AMPH: variants seen among roughly 807,000 people sequenced by gnomAD.
The protein encoded by AMPH is amphiphysin, also known as amphiphysin (Stiff-Mann syndrome with breast cancer 128kD autoantigen).
In AMPH, 49 loss-of-function variants were observed where a neutral mutation model predicts 99.1. That is an observed-to-expected ratio of 0.49 (90% CI 0.39 to 0.63). The LOEUF is 0.63. Ranked by LOEUF, AMPH falls within the 20% of genes least tolerant of loss-of-function variation. The pLI is 0.00. For synonymous variants in AMPH, 314 were observed against 317.3 expected, an observed-to-expected ratio of 0.99 and a Z score of 0.11; for missense variants, 759 against 863.4, an observed-to-expected ratio of 0.88 and a Z score of 1.52.
At chr7:38,466,386 C>G (rs1787654315) in intron 7 of AMPH, 138 bp from the exon 8 acceptor site, 1 of 694,520 alleles carries the variant, frequency 1.4e-6, no homozygotes, top group Non-Finnish European at 2.4e-6. Context: ...AAATAAAATA[C>G]TGAACCCAAA....
chr7:38,580,307 A>G (rs1175525843), intron 1 of AMPH, among the ~76,000 whole-genome samples: 1 of 152,210 alleles, frequency 6.6e-6, no homozygotes, highest in Non-Finnish European at 1.5e-5. Flanking sequence ...AATTCCATTA[A>G]GCATGTAAAA....
chr7:38,573,302 A>G (rs1357439313), intron 1 of AMPH, among the ~76,000 whole-genome samples: 1 of 151,944 alleles, frequency 6.6e-6, no homozygotes. Flanking sequence ...AATTTTTGCT[A>G]TTTTGTACCT....
intron 11 of AMPH, among the ~76,000 whole-genome samples, chr7:38,455,103 G>A (rs1166020286): frequency 6.6e-6 from 1 of 150,670 alleles, no homozygotes; most frequent in Non-Finnish European, 1.5e-5. Context: ...TCCTGAGATG[G>A]AGTTTTGCTC....
chr7:38,516,611 T>C (rs916813970), intron 2 of AMPH, among the ~76,000 whole-genome samples: 3 of 152,190 alleles, frequency 2.0e-5, no homozygotes, highest in Non-Finnish European at 4.4e-5. Context: ...AAATATGGGA[T>C]TGGACTCCTT....
At chr7:38,465,048 A>G (rs1787597808) in intron 9 of AMPH, among the ~76,000 whole-genome samples, 1 of 152,246 alleles carries the variant, frequency 6.6e-6, no homozygotes, top group Admixed American at 6.5e-5. Flanking sequence ...TCCTTTCCCA[A>G]AATGGATTCA....
intron 2 of AMPH, among the ~76,000 whole-genome samples, chr7:38,528,726 AT>A (rs1311262501): frequency 1.3e-5 from 2 of 150,004 alleles, no homozygotes; most frequent in Non-Finnish European, 3.0e-5. Context: ...AGTTTCATTG[AT>A]TTCTGTTCTT....
At position 38,465,487 on chromosome 7, in the gene AMPH, GA is replaced by G; in HGVS notation, c.728del (p.Phe243SerfsTer39). 6.3e-7 allele frequency: 1 copy of G among 1,581,436 alleles called. No individual in the cohort carries two copies. Among genetic ancestry groups the G allele is most frequent in the Non-Finnish European group, 8.6e-7 (1 of 1,161,700 alleles). ...CCTACCTGGGCGCTCCTTGGATGGTGAAGGCCTTGTCGGCGTGCTGGTCACC... is the reference window on the plus strand; with the variant it reads ...CCTACCTGGGCGCTCCTTGGATGGTGAGGCCTTGTCGGCGTGCTGGTCACC... ...KLGDQHADKA[F>X]TIQGAPSDSG... On this transcript the variant is annotated frameshift_variant, in exon 9 of 21. Coordinates refer to ENST00000356264, the MANE Select transcript of AMPH (RefSeq NM_001635.4). LOFTEE classifies it high-confidence loss of function.
intron 1 of AMPH, among the ~76,000 whole-genome samples, chr7:38,624,252 A>C (rs1015647702): frequency 7.9e-5 from 12 of 152,160 alleles, no homozygotes; most frequent in African/African-American, 2.9e-4. Context: ...TGGAAGATGT[A>C]ATGCATGAAA....
chr7:38,489,968 A>C (rs1274482005), intron 5 of AMPH, among the ~76,000 whole-genome samples: 1 of 152,170 alleles, frequency 6.6e-6, no homozygotes, highest in East Asian at 1.9e-4. Flanking sequence ...AATAAAGTAC[A>C]AAATATAAAT....
rs554551381 is a variant in AMPH at position 38,564,993 on chromosome 7, G to A, written c.70-29982C>T. The stretch of plus-strand genomic sequence containing the variant: ...CAAAAAATTAGCCGGGCGTGGTGGC[G>A]GGTGCCTGTAGTCCCAGCTACTCGG... On this transcript the variant is annotated intron_variant, in intron 1 of 20. Coordinates refer to ENST00000356264, the MANE Select transcript of AMPH (RefSeq NM_001635.4). Among the ~76,000 whole-genome samples the A allele has an allele frequency of 3.5e-4, 53 of 151,854 alleles. 1 individual carries two copies. The highest frequency in any genetic ancestry group is 2.5e-3 in the Admixed American group (38 of 15,264).
chr7:38,622,649 ATAGATAATTC>A (rs1285225885), intron 1 of AMPH, among the ~76,000 whole-genome samples: 22 of 152,308 alleles, frequency 1.4e-4, no homozygotes, highest in Admixed American at 1.3e-4. Flanking sequence ...GTGGAATGAA[ATAGATAATTC>A]TAGGCACAAT....
intron 2 of AMPH, among the ~76,000 whole-genome samples, chr7:38,529,333 A>T (rs1332058740): frequency 6.6e-6 from 1 of 152,210 alleles, no homozygotes; most frequent in African/African-American, 2.4e-5. Context: ...ACTTGTAAAA[A>T]CTTGCATGAG....
chr7:38,538,751 G>T lies in AMPH; in HGVS notation c.70-3740C>A, dbSNP rs1790702971. On this transcript the variant is annotated intron_variant, in intron 1 of 20. Coordinates refer to ENST00000356264, the MANE Select transcript of AMPH (RefSeq NM_001635.4). ...CACAGTACATAATGGCTTATGGGAT[G>T]AAAAAGATGAAGGACAGAACAGAGT... Among the ~76,000 whole-genome samples the T allele has an allele frequency of 3.9e-5, 6 of 152,308 alleles. No homozygotes were observed. The South Asian group carries it at 1.2e-3, about 32-fold the overall frequency.
chr7:38,617,428 C>T (rs150213762), intron 1 of AMPH, among the ~76,000 whole-genome samples: 109 of 152,300 alleles, frequency 7.2e-4, no homozygotes, highest in African/African-American at 2.4e-3. Context: ...AATAACAGAT[C>T]AAAATAATTA....
At chr7:38,541,814 G>C (rs921069799) in intron 1 of AMPH, among the ~76,000 whole-genome samples, 8 of 152,138 alleles carry the variant, frequency 5.3e-5, no homozygotes, top group Non-Finnish European at 7.3e-5. Flanking sequence ...TAGAAAACTA[G>C]GGAGAAAGGA....
At chr7:38,451,052 C>T (rs921553484) in intron 11 of AMPH, among the ~76,000 whole-genome samples, 5 of 149,312 alleles carry the variant, frequency 3.3e-5, no homozygotes, top group African/African-American at 7.5e-5. Flanking sequence ...ACTGCCATGC[C>T]CAGCTATTTT....
chr7:38,564,066 T>A (rs1436676703), intron 1 of AMPH, among the ~76,000 whole-genome samples: 1 of 152,244 alleles, frequency 6.6e-6, no homozygotes, highest in Non-Finnish European at 1.5e-5. Flanking sequence ...TCTTTAGGGT[T>A]ATTCTCCTTA....
intron 1 of AMPH, among the ~76,000 whole-genome samples, chr7:38,543,611 CTA>C (rs1271936902): frequency 6.6e-6 from 1 of 152,136 alleles, no homozygotes; most frequent in African/African-American, 2.4e-5. Context: ...AGTTAGGTTA[CTA>C]TGATTGTGTT....
intron 17 of AMPH, among the ~76,000 whole-genome samples, chr7:38,402,504 C>G (rs1043318858): frequency 6.6e-6 from 1 of 152,182 alleles, no homozygotes; most frequent in Admixed American, 6.5e-5. Flanking sequence ...TTCCATTTTA[C>G]TCGCTATCTG....
Sources: allele counts gnomAD v4.1 joint callset (sites outside exome capture counted in the v4.1 genomes callset), GRCh38; gene constraint gnomAD v4.1.1; transcripts MANE v1.5; gene names NCBI Gene and HGNC (gene_info 2026-07-23, HGNC 2026-07-21).